The following TENM3 variants were observed in gnomAD, a reference collection of about 807,000 sequenced individuals.
The protein encoded by TENM3 is teneurin-3.
TENM3 carries 63 observed loss-of-function variants against 255.1 expected under a neutral mutation model. The ratio of observed to expected loss-of-function variants is 0.25; its 90% confidence interval spans 0.20 to 0.30. TENM3 has a LOEUF of 0.30. TENM3 is among the 10% of genes least tolerant of loss of function. The pLI is 1.00. For synonymous variants in TENM3, 1,306 were observed against 1,322.3 expected (o/e 0.99, Z 0.27); for missense variants, 2,929 against 3,461.1 (o/e 0.85, Z 3.86).
intron 1 of TENM3, among the ~76,000 whole-genome samples, chr4:182,171,069 A>G (rs1288625288): frequency 1.3e-5 from 2 of 152,300 alleles, no homozygotes; most frequent in African/African-American, 4.8e-5. Context: ...TTTGAAAAAT[A>G]CCTTTAATTC....
At chr4:182,705,965 G>T (rs1030073955) in intron 12 of TENM3, among the ~76,000 whole-genome samples, 2 of 152,138 alleles carry the variant, frequency 1.3e-5, no homozygotes, top group Non-Finnish European at 2.9e-5. Context: ...TTTATATAAG[G>T]TACTGTCATT....
intron 3 of TENM3, among the ~76,000 whole-genome samples, chr4:182,372,941 G>T (rs1412960809): frequency 3.9e-5 from 6 of 152,042 alleles, no homozygotes; most frequent in African/African-American, 1.4e-4. Context: ...GGTTTCACCA[G>T]GTTGCTCAGG....
At chr4:182,679,567 A>G (rs1254870678) in intron 7 of TENM3, 99 bp from the exon 8 acceptor site, 1 of 946,926 alleles carries the variant, frequency 1.1e-6, no homozygotes, top group Non-Finnish European at 1.6e-6. Context: ...CTAACATTGT[A>G]TTTGTTAGAG....
intron 5 of TENM3, among the ~76,000 whole-genome samples, chr4:182,641,721 T>A (rs1026705388): frequency 6.6e-6 from 1 of 152,102 alleles, no homozygotes; most frequent in Non-Finnish European, 1.5e-5. Flanking sequence ...GAGGCGGCGT[T>A]TTGCCATGTT....
the TENM3 span, among the ~76,000 whole-genome samples, chr4:181,934,266 C>T: frequency 3.3e-5 from 5 of 152,054 alleles, no homozygotes; most frequent in Non-Finnish European, 7.4e-5. Context: ...CTGTACAGTG[C>T]ACTACATAAA....
chr4:182,111,189 C>CTTTTTTTTTT, the TENM3 span, among the ~76,000 whole-genome samples: 51 of 80,520 alleles, frequency 6.3e-4, 1 homozygote, highest in African/African-American at 1.5e-3. Context: ...GTCTTCTTCT[C>CTTTTTTTTTT]TTTTTTTTTT....
chr4:182,282,797 T>C (rs550778322), intron 1 of TENM3, among the ~76,000 whole-genome samples: 1 of 148,828 alleles, frequency 6.7e-6, no homozygotes, highest in East Asian at 2.0e-4. Context: ...GGAGGCTGAG[T>C]CAGGAGAATT....
Position 182,628,767 on chromosome 4 carries a change from A to G in TENM3, c.866A>G (p.Asn289Ser), listed in dbSNP as rs1365485279. 4.3e-6 allele frequency: 7 copies of G among 1,610,020 alleles called. No individual in the cohort carries two copies. The South Asian group carries it at 4.4e-5, about 10-fold the overall frequency. ...YSPPTRPLPR[N>S]TLSRSAFKFK... ...CCACCTACTCGGCCACTACCTAGAA[A>G]CACCCTATCAAGAAGTGCTTTTAAA... The change falls in exon 5 of 28, where the codon AAC (asparagine) becomes AGC (serine). Residue 289 changes from asparagine (N) to serine (S), a missense_variant. Asn to Ser is a conservative substitution (Grantham distance 46, BLOSUM62 1). This residue lies in a region of TENM3 where 1,608 missense variants were observed against 1,884.4 expected (regional missense o/e 0.85). Transcript: ENST00000511685.
intron 2 of TENM3, among the ~76,000 whole-genome samples, chr4:182,336,301 A>C (rs1008813355): frequency 6.6e-6 from 1 of 152,140 alleles, no homozygotes; most frequent in Non-Finnish European, 1.5e-5. Context: ...AAATTCCTAA[A>C]GTGAGAACTT....
chr4:181,562,109 A>G, the TENM3 span, among the ~76,000 whole-genome samples: 1 of 152,172 alleles, frequency 6.6e-6, no homozygotes, highest in Non-Finnish European at 1.5e-5. Flanking sequence ...ACATTTGTCT[A>G]TCATATATTT....
chr4:182,261,503 G>A (rs952640962), intron 1 of TENM3, among the ~76,000 whole-genome samples: 3 of 152,120 alleles, frequency 2.0e-5, no homozygotes, highest in African/African-American at 2.4e-5. Flanking sequence ...TGTCATACAC[G>A]CCTTACTGAT....
At chr4:182,665,055 C>T (rs988750810) in intron 6 of TENM3, among the ~76,000 whole-genome samples, 15 of 152,176 alleles carry the variant, frequency 9.9e-5, no homozygotes, top group Admixed American at 6.5e-4. Context: ...GAGCCTTAGA[C>T]TGGAAGAAGA....
the TENM3 span, among the ~76,000 whole-genome samples, chr4:181,790,797 T>G: frequency 6.6e-6 from 1 of 152,158 alleles, no homozygotes; most frequent in African/African-American, 2.4e-5. Context: ...AGAGAGGAAA[T>G]GGAGGCCATC....
At chr4:181,490,762 A>G in the TENM3 span, among the ~76,000 whole-genome samples, 1 of 152,092 alleles carries the variant, frequency 6.6e-6, no homozygotes, top group Non-Finnish European at 1.5e-5. Context: ...CCTACCAGTC[A>G]TGTTATTTTT....
chr4:181,785,489 C>A, the TENM3 span, among the ~76,000 whole-genome samples: 1 of 152,078 alleles, frequency 6.6e-6, no homozygotes, highest in African/African-American at 2.4e-5. Flanking sequence ...CTTGAATTGA[C>A]GCGTATTACC....
chr4:182,620,868 A>G (rs148289171), intron 4 of TENM3, among the ~76,000 whole-genome samples: 17 of 152,270 alleles, frequency 1.1e-4, no homozygotes, highest in African/African-American at 3.9e-4. Context: ...AGCTGGGGCT[A>G]CAGGTGCATG....
intron 1 of TENM3, among the ~76,000 whole-genome samples, chr4:182,262,534 G>A (rs1040353426): frequency 6.6e-5 from 10 of 152,016 alleles, no homozygotes; most frequent in Admixed American, 4.6e-4. Context: ...TCCCACCAGC[G>A]CCACGACAAT....
the TENM3 span, among the ~76,000 whole-genome samples, chr4:181,495,024 T>C: frequency 6.6e-6 from 1 of 152,166 alleles, no homozygotes; most frequent in African/African-American, 2.4e-5. Context: ...TTATCCATCA[T>C]TCAAAATGAC....
the TENM3 span, among the ~76,000 whole-genome samples, chr4:181,812,959 A>C: frequency 6.6e-6 from 1 of 152,324 alleles, no homozygotes; most frequent in South Asian, 2.1e-4. Context: ...CAGCCAACCC[A>C]CTATGGAAGA....
Sources: gnomAD v4.1 joint callset for allele counts (sites outside exome capture counted in the v4.1 genomes callset) on GRCh38, gnomAD v4.1.1 for gene constraint, gnomAD v4.1.1 regional missense constraint, MANE v1.5 for transcripts, NCBI Gene and HGNC (gene_info 2026-07-23, HGNC 2026-07-21) for gene names.